The following CHSY3 variants were observed in gnomAD, a reference collection of about 807,000 sequenced individuals.
CHSY3 encodes the protein N-acetylgalactosaminyl-proteoglycan 3-beta-glucuronosyltransferase 3.
A neutral mutation model predicts 67.2 loss-of-function variants in CHSY3; 35 were observed. The ratio of observed to expected loss-of-function variants is 0.52; its 90% CI spans 0.40 to 0.69. The LOEUF (loss-of-function observed/expected upper bound fraction) is 0.69, where lower values mean the gene tolerates loss of function less well. Among genes scored for constraint, CHSY3 ranks in the 30% least tolerant of loss-of-function variants. The pLI is 0.00. For synonymous variants in CHSY3, 474 were observed against 434.7 expected (o/e 1.09, Z -1.12); for missense variants, 1,069 against 1,138.5 (o/e 0.94, Z 0.88).
intron 2 of CHSY3, among the ~76,000 whole-genome samples, chr5:130,169,724 C>G (rs1177781661): frequency 6.6e-6 from 1 of 151,208 alleles, no homozygotes; most frequent in Admixed American, 6.6e-5. Flanking sequence ...CCAATCCAAC[C>G]TTTGGCTTTT....
chr5:130,018,939 G>A (rs945567905), intron 2 of CHSY3, among the ~76,000 whole-genome samples: 1 of 152,036 alleles, frequency 6.6e-6, no homozygotes, highest in South Asian at 2.1e-4. Context: ...TGATCCCTCT[G>A]TGCATGTGTG....
chr5:130,082,515 G>A lies in CHSY3; in HGVS notation c.1087-101714G>A, dbSNP rs561263339. Among the ~76,000 whole-genome samples, 85 of 151,966 alleles carry A rather than the reference G, an allele frequency of 5.6e-4. 1 individual carries two copies. The highest frequency in any genetic ancestry group is 2.0e-3 in the African/African-American group (81 of 41,484). On this transcript the variant is annotated intron_variant, in intron 2 of 2. Coordinates refer to ENST00000305031, the MANE Select transcript of CHSY3 (RefSeq NM_175856.5). ...TGATTTCTCTTAACGATGTAAGCAC[G>A]GAATTAATTTTCCTCTTATATTATT...
chr5:130,109,008 G>A (rs1461636552), intron 2 of CHSY3, among the ~76,000 whole-genome samples: 1 of 151,552 alleles, frequency 6.6e-6, no homozygotes, highest in Non-Finnish European at 1.5e-5. Flanking sequence ...AAGCCCTCAA[G>A]TTTCTTAAAC....
intron 2 of CHSY3, among the ~76,000 whole-genome samples, chr5:129,977,546 T>G (rs1279429109): frequency 1.3e-5 from 2 of 152,160 alleles, no homozygotes; most frequent in Non-Finnish European, 2.9e-5. Context: ...TGTAGGAAGA[T>G]AATAACTAAA....
intron 2 of CHSY3, among the ~76,000 whole-genome samples, chr5:130,026,225 G>A (rs191183747): frequency 6.6e-6 from 1 of 151,990 alleles, no homozygotes; most frequent in Admixed American, 6.6e-5. Flanking sequence ...GTTTCTTATA[G>A]CATTCATAGA....
chr5:130,152,103 G>A (rs1048192605), intron 2 of CHSY3, among the ~76,000 whole-genome samples: 3 of 152,116 alleles, frequency 2.0e-5, no homozygotes, highest in Non-Finnish European at 4.4e-5. Flanking sequence ...ATCAGAATTG[G>A]ACTCTTTTAA....
intron 2 of CHSY3, among the ~76,000 whole-genome samples, chr5:130,082,392 G>A (rs1766472954): frequency 6.6e-6 from 1 of 152,016 alleles, no homozygotes. Context: ...AATTTGAGAA[G>A]CAGCTACTAA....
intron 2 of CHSY3, among the ~76,000 whole-genome samples, chr5:130,041,143 T>C (rs546730466): frequency 2.0e-5 from 3 of 152,198 alleles, no homozygotes; most frequent in African/African-American, 7.2e-5. Context: ...CAACAGGAAT[T>C]GTCTTACCCC....
At chr5:130,077,708 C>T (rs1483846417) in intron 2 of CHSY3, among the ~76,000 whole-genome samples, 2 of 151,910 alleles carry the variant, frequency 1.3e-5, no homozygotes, top group Non-Finnish European at 2.9e-5. Context: ...GCGGATAATT[C>T]ACAATTACTG....
At chr5:130,175,812 A>G (rs944516239) in intron 2 of CHSY3, among the ~76,000 whole-genome samples, 2 of 152,154 alleles carry the variant, frequency 1.3e-5, no homozygotes, top group South Asian at 2.1e-4. Context: ...TATGCAGAAA[A>G]CTGAAACTGG....
At chr5:129,960,844 A>G (rs1762310286) in intron 2 of CHSY3, among the ~76,000 whole-genome samples, 2 of 152,118 alleles carry the variant, frequency 1.3e-5, no homozygotes, top group African/African-American at 4.8e-5. Context: ...CATAAATAAG[A>G]AAGGGCATTA....
chr5:130,114,878 C>T (rs952827601), intron 2 of CHSY3, among the ~76,000 whole-genome samples: 4 of 152,106 alleles, frequency 2.6e-5, no homozygotes, highest in Admixed American at 2.6e-4. Context: ...CTGTTGCCTA[C>T]AGGACCATCT....
chr5:130,088,923 G>T lies in CHSY3; in HGVS notation c.1087-95306G>T, dbSNP rs373443209. 3.9e-5 allele frequency among the ~76,000 whole-genome samples: 6 copies of T among 152,012 alleles called. No homozygotes were observed. The East Asian group carries it at 5.8e-4, about 15-fold the overall frequency. ...TGCTGCTATAAAGACACACGCACAC[G>T]TATGTTTATTGCGGCACTATTCACA... is the stretch of plus-strand genomic sequence containing the variant. On this transcript the variant is annotated intron_variant, in intron 2 of 2. Transcript: ENST00000305031.
At chr5:130,109,780 A>T (rs960979002) in intron 2 of CHSY3, among the ~76,000 whole-genome samples, 2 of 151,698 alleles carry the variant, frequency 1.3e-5, no homozygotes, top group African/African-American at 4.8e-5. Context: ...GAATCTGACA[A>T]TTATCAAGGA....
At chr5:129,998,397 C>A (rs1334482058) in intron 2 of CHSY3, among the ~76,000 whole-genome samples, 2 of 152,058 alleles carry the variant, frequency 1.3e-5, no homozygotes, top group Non-Finnish European at 2.9e-5. Context: ...TACTGATGAG[C>A]ATTAAGATTG....
At chr5:129,946,217 T>G (rs1761851565) in intron 2 of CHSY3, among the ~76,000 whole-genome samples, 2 of 152,168 alleles carry the variant, frequency 1.3e-5, no homozygotes, top group African/African-American at 4.8e-5. Context: ...AAATAGGCAT[T>G]TCTAGAAATT....
chr5:130,118,020 A>G (rs528765611), intron 2 of CHSY3, among the ~76,000 whole-genome samples: 1 of 152,076 alleles, frequency 6.6e-6, no homozygotes, highest in Non-Finnish European at 1.5e-5. Context: ...CTGGTTGTTT[A>G]AAAGAACATG....
chr5:130,165,480 T>C (rs1374878771), intron 2 of CHSY3, among the ~76,000 whole-genome samples: 1 of 152,188 alleles, frequency 6.6e-6, no homozygotes, highest in Non-Finnish European at 1.5e-5. Context: ...AAGCTTTTAA[T>C]GTTAATGTAC....
chr5:129,930,721 A>G (rs1761280255), intron 2 of CHSY3, among the ~76,000 whole-genome samples: 1 of 152,060 alleles, frequency 6.6e-6, no homozygotes, highest in Non-Finnish European at 1.5e-5. Context: ...ATCAGTGACT[A>G]CCTAAGAGTC....
Sources: gnomAD v4.1 joint callset for allele counts (sites outside exome capture counted in the v4.1 genomes callset) on GRCh38, gnomAD v4.1.1 for gene constraint, MANE v1.5 for transcripts, NCBI Gene and HGNC (gene_info 2026-07-23, HGNC 2026-07-21) for gene names.